Variants in SCHIP1 observed in about 807,000 individuals in gnomAD.
SCHIP1 encodes schwannomin-interacting protein 1.
Under a neutral mutation model 29.7 loss-of-function variants are expected in SCHIP1, and 8 were observed. The observed-to-expected ratio is 0.27, with a 90% CI of 0.16 to 0.49. The LOEUF is 0.49. Ranked by LOEUF, SCHIP1 falls within the 20% of genes least tolerant of loss-of-function variation. The pLI is 0.99. For synonymous variants in SCHIP1, 76 were observed against 94.9 expected (o/e 0.80, Z 1.16); for missense variants, 193 against 294.6 (o/e 0.66, Z 2.52).
chr3:159,583,849 C>G, the SCHIP1 span, among the ~76,000 whole-genome samples: 1 of 152,174 alleles, frequency 6.6e-6, no homozygotes, highest in Non-Finnish European at 1.5e-5. Context: ...CTCCTTGGAG[C>G]ATTTCTGTGT....
intron 1 of SCHIP1, among the ~76,000 whole-genome samples, chr3:159,859,086 C>T (rs1713741331): frequency 6.6e-6 from 1 of 152,236 alleles, no homozygotes; most frequent in South Asian, 2.1e-4. Context: ...CTTATATTTA[C>T]TTCCACTACC....
chr3:159,465,822 C>T, the SCHIP1 span, among the ~76,000 whole-genome samples: 3 of 152,108 alleles, frequency 2.0e-5, no homozygotes, highest in Admixed American at 2.0e-4. Context: ...CAGCCTGAGT[C>T]CTTATTGTGA....
chr3:159,425,213 G>C, the SCHIP1 span, among the ~76,000 whole-genome samples: 10 of 152,030 alleles, frequency 6.6e-5, no homozygotes, highest in Admixed American at 4.6e-4. Flanking sequence ...AATGTAAATG[G>C]CCTAAATGCT....
At chr3:159,356,519 C>G in the SCHIP1 span, among the ~76,000 whole-genome samples, 1 of 152,146 alleles carries the variant, frequency 6.6e-6, no homozygotes, top group Non-Finnish European at 1.5e-5. Context: ...CCTGAAAAAA[C>G]TTTGATTTTG....
chr3:159,388,699 G>A, the SCHIP1 span, among the ~76,000 whole-genome samples: 6 of 152,056 alleles, frequency 3.9e-5, no homozygotes, highest in Non-Finnish European at 5.9e-5. Flanking sequence ...AAAGTGTTCT[G>A]TAGTTTTGAA....
chr3:159,567,344 A>G, the SCHIP1 span, among the ~76,000 whole-genome samples: 14 of 152,130 alleles, frequency 9.2e-5, no homozygotes, highest in Admixed American at 2.0e-4. Context: ...TAATGTATCA[A>G]ATTTGTTTAT....
At chr3:159,434,575 C>G in the SCHIP1 span, among the ~76,000 whole-genome samples, 384 of 152,170 alleles carry the variant, frequency 2.5e-3, no homozygotes, top group Non-Finnish European at 4.6e-3. Context: ...TGTCCTCATC[C>G]CCATCATCTC....
the SCHIP1 span, among the ~76,000 whole-genome samples, chr3:159,777,204 C>G: frequency 6.6e-6 from 1 of 152,178 alleles, no homozygotes; most frequent in Admixed American, 6.5e-5. Context: ...ACCCATCTTG[C>G]TCCTAATCCA....
chr3:159,288,344 A>G, the SCHIP1 span, among the ~76,000 whole-genome samples: 1 of 152,248 alleles, frequency 6.6e-6, no homozygotes, highest in African/African-American at 2.4e-5. Context: ...ACTGCTTCTA[A>G]TTCTCCATTA....
chr3:159,533,915 A>T, the SCHIP1 span, among the ~76,000 whole-genome samples: 1 of 152,152 alleles, frequency 6.6e-6, no homozygotes, highest in African/African-American at 2.4e-5. Flanking sequence ...TTTTAAACAA[A>T]ACTTTGTGAT....
intron 2 of SCHIP1, among the ~76,000 whole-genome samples, chr3:159,877,008 T>C (rs1410166397): frequency 2.6e-5 from 4 of 152,208 alleles, no homozygotes; most frequent in African/African-American, 9.6e-5. Context: ...TAGAGTTAAG[T>C]ACTGCAATCA....
chr3:159,460,708 T>C, the SCHIP1 span, among the ~76,000 whole-genome samples: 1 of 152,094 alleles, frequency 6.6e-6, no homozygotes, highest in African/African-American at 2.4e-5. Context: ...TAAACGGAAG[T>C]TCCACATCCC....
At chr3:159,674,073 G>A in the SCHIP1 span, among the ~76,000 whole-genome samples, 2 of 152,208 alleles carry the variant, frequency 1.3e-5, no homozygotes, top group African/African-American at 2.4e-5. Context: ...TACTTCCTTT[G>A]TTCTTCAAAG....
chr3:159,387,436 G>A, the SCHIP1 span: 2 of 276,506 alleles, frequency 7.2e-6, no homozygotes, highest in South Asian at 3.7e-5. Context: ...CCTCTGTCTT[G>A]CTTCTGTGAG....
chr3:159,554,046 A>G, the SCHIP1 span, among the ~76,000 whole-genome samples: 1,270 of 120,750 alleles, frequency 0.011, 13 homozygotes, highest in African/African-American at 0.038. Context: ...GTGTGTGTGT[A>G]TTTTTAGTAG....
the SCHIP1 span, among the ~76,000 whole-genome samples, chr3:159,377,872 C>A: frequency 2.0e-5 from 3 of 152,052 alleles, no homozygotes; most frequent in Non-Finnish European, 4.4e-5. Context: ...TAGAAGTGAC[C>A]ATGACCATCC....
chr3:159,864,959 TAGAC>T (rs1714461713), intron 1 of SCHIP1, among the ~76,000 whole-genome samples: 1 of 152,212 alleles, frequency 6.6e-6, no homozygotes, highest in Non-Finnish European at 1.5e-5. Flanking sequence ...ACTACCATAT[TAGAC>T]AGAGAAGCCT....
the SCHIP1 span, among the ~76,000 whole-genome samples, chr3:159,568,123 G>C: frequency 6.6e-6 from 1 of 151,900 alleles, no homozygotes; most frequent in African/African-American, 2.4e-5. Context: ...TGATGAATAA[G>C]GAATTCAATT....
the SCHIP1 span, among the ~76,000 whole-genome samples, chr3:159,515,210 A>C: frequency 6.6e-6 from 1 of 151,990 alleles, no homozygotes; most frequent in African/African-American, 2.4e-5. Context: ...AAAAAAAAAA[A>C]AACTAAGACA....
Sources: allele counts gnomAD v4.1 joint callset (sites outside exome capture counted in the v4.1 genomes callset), GRCh38; gene constraint gnomAD v4.1.1; transcripts MANE v1.5; gene names NCBI Gene and HGNC (gene_info 2026-07-23, HGNC 2026-07-21).